Variants in PLAGL1 observed in about 807,000 individuals in gnomAD.
PLAGL1 encodes the protein PLAG1 like zinc finger 1.
PLAGL1 carries 1 observed loss-of-function variant against 4.6 expected under a neutral mutation model. The ratio of observed to expected loss-of-function variants is 0.22; its 90% CI spans 0.08 to 1.03. The LOEUF (loss-of-function observed/expected upper bound fraction) is 1.03. Ranked by LOEUF, PLAGL1 falls within the 50% of genes least tolerant of loss-of-function variation. The pLI, the probability that PLAGL1 is intolerant of heterozygous loss-of-function variation, is 0.58. For synonymous variants in PLAGL1, 240 were observed against 237.8 expected (o/e 1.01, Z -0.08); for missense variants, 464 against 570.4 (o/e 0.81, Z 1.90).
chr6:144,051,819 A>G (rs1415372895), intron 1 of PLAGL1, among the ~76,000 whole-genome samples: 1 of 152,180 alleles, frequency 6.6e-6, no homozygotes, highest in African/African-American at 2.4e-5. Flanking sequence ...CTCATTCACT[A>G]TCATGAGAAT....
intron 7 of PLAGL1, among the ~76,000 whole-genome samples, chr6:143,946,115 C>T (rs1779723029): frequency 6.6e-6 from 1 of 152,208 alleles, no homozygotes; most frequent in Non-Finnish European, 1.5e-5. Flanking sequence ...ACCCTGTGGA[C>T]CACATGTGTA....
chr6:144,026,204 A>G (rs1294761623), intron 1 of PLAGL1, among the ~76,000 whole-genome samples: 5 of 152,348 alleles, frequency 3.3e-5, no homozygotes, highest in Middle Eastern at 6.8e-3. Context: ...ATTATGATAT[A>G]AAATGCAATT....
Position 143,994,698 on chromosome 6 carries a change from A to G in PLAGL1, c.-583-9524T>C, listed in dbSNP as rs929843042. On this transcript the variant is annotated intron_variant, in intron 1 of 7. Coordinates refer to ENST00000674357, the MANE Select transcript of PLAGL1 (RefSeq NM_001317162.2). This position sits in a 1 kb window ranked among gnomAD's most constrained non-coding sequence, Gnocchi z 4.3. ...GCGTTTCTGGAAAATCCACTGTTAC[A>G]GATTCAAATGTGTCCTCAAAATTCA... is the stretch of plus-strand genomic sequence containing the variant. Among the ~76,000 whole-genome samples the G allele has an allele frequency of 2.0e-5, 3 of 152,240 alleles. No homozygotes were observed. The highest frequency in any genetic ancestry group is 2.4e-5 in the African/African-American group (1 of 41,468).
rs1796079985 is a variant in PLAGL1, at chr6:144,022,997, C to T, written c.-151+41471G>A. ...AACTGGGAGCAACCACAATGTCCCT[C>T]AATAGATGAATGGACAAACTATGAT... On this transcript the variant is annotated intron_variant, in intron 1 of 3. Coordinates refer to the PLAGL1 transcript ENST00000437412. The surrounding 1 kb of genome is among the most constrained non-coding windows in gnomAD (Gnocchi z 4.2). Among the ~76,000 whole-genome samples the T allele has an allele frequency of 6.6e-6, 1 of 152,144 alleles. No individual in the cohort carries two copies. The highest frequency in any genetic ancestry group is 1.5e-5 in the Non-Finnish European group (1 of 68,028).
chr6:143,985,750 A>G lies in PLAGL1; in HGVS notation c.-583-576T>C, dbSNP rs901413339. Among the ~76,000 whole-genome samples, 1 of 151,810 alleles carries G rather than the reference A, an allele frequency of 6.6e-6. No homozygotes were observed. Among genetic ancestry groups the G allele is most frequent in the African/African-American group, 2.4e-5 (1 of 41,326 alleles). ...AAGTTTTTCTCATTGTTAGCATGGC[A>G]TAGATCACTCATTTCAAAAATCAAA... On this transcript the variant is annotated intron_variant, in intron 1 of 7. Coordinates refer to ENST00000674357, the MANE Select transcript of PLAGL1 (RefSeq NM_001317162.2). This position sits in a 1 kb window ranked among gnomAD's most constrained non-coding sequence, Gnocchi z 4.4.
At chr6:144,033,890 C>T (rs1362525181) in intron 1 of PLAGL1, among the ~76,000 whole-genome samples, 2 of 152,176 alleles carry the variant, frequency 1.3e-5, no homozygotes, top group African/African-American at 4.8e-5. Flanking sequence ...ATGGTCTTTT[C>T]TAAGTCTGAG....
intron 7 of PLAGL1, among the ~76,000 whole-genome samples, chr6:143,943,083 C>T (rs1199796649): frequency 7.0e-6 from 1 of 142,700 alleles, no homozygotes; most frequent in Non-Finnish European, 1.5e-5. Flanking sequence ...ACGCTGGTCT[C>T]AAACTCCTGG....
intron 7 of PLAGL1, among the ~76,000 whole-genome samples, chr6:143,943,824 A>C (rs937661464): frequency 3.9e-5 from 6 of 152,234 alleles, no homozygotes; most frequent in African/African-American, 1.4e-4. Flanking sequence ...GTGAAGCAGA[A>C]ATTAGTTATG....
chr6:143,979,516 TAG>T lies in PLAGL1; in HGVS notation c.-544+5617_-544+5618del, dbSNP rs1787431600. ...TGTTTTGATATCTTCGTGGTTGCTG[TAG>T]AGTTTATAGTTATATCTTTAACTTA... On this transcript the variant is annotated intron_variant, in intron 2 of 7. Coordinates refer to ENST00000674357, the MANE Select transcript of PLAGL1 (RefSeq NM_001317162.2). The surrounding 1 kb of genome is among the most constrained non-coding windows in gnomAD (Gnocchi z 4.6). Among the ~76,000 whole-genome samples, 1 of 152,130 alleles carries T rather than the reference TAG, an allele frequency of 6.6e-6. No individual in the cohort carries two copies. The highest frequency in any genetic ancestry group is 1.5e-5 in the Non-Finnish European group (1 of 67,964).
At position 143,997,557 on chromosome 6, in the gene PLAGL1, G is replaced by C. The variant is rs886729283; in HGVS notation, c.-584+10533C>G. Among the ~76,000 whole-genome samples the C allele has an allele frequency of 6.6e-6, 1 of 152,172 alleles. No individual in the cohort carries two copies. The highest frequency in any genetic ancestry group is 1.5e-5 in the Non-Finnish European group (1 of 68,028). On this transcript the variant is annotated intron_variant, in intron 1 of 7. Transcript: ENST00000674357. The surrounding 1 kb of genome is among the most constrained non-coding windows in gnomAD (Gnocchi z 4.6). The stretch of plus-strand genomic sequence containing the variant: ...CTGTTTGGTTATACTTAAAATTCAA[G>C]AATAGACAAAACAGGGAGGCTCAGG...
intron 1 of PLAGL1, among the ~76,000 whole-genome samples, chr6:144,030,800 G>C (rs112682099): frequency 0.046 from 6,956 of 152,278 alleles, 225 homozygotes; most frequent in Non-Finnish European, 0.069. Context: ...CTATAAACAT[G>C]AGTGTGCAAG....
Position 143,968,979 on chromosome 6 carries a change from C to G in PLAGL1, c.-543-1G>C, listed in dbSNP as rs1784920908. 1 of 150,600 alleles carries G rather than the reference C, an allele frequency of 6.6e-6. No individual in the cohort carries two copies. Among genetic ancestry groups the G allele is most frequent in the Non-Finnish European group, 1.5e-5 (1 of 67,804 alleles). 9.3% of individuals were successfully genotyped at this position (150,600 alleles called of 1,614,324 possible). A position where few individuals can be genotyped will look rare whatever the true frequency, so the allele number is the denominator to read the frequency against. Reference sequence around the variant, plus strand: ...AGCCACATTAGACGTGACAGCAATCCTAAAGGAAAAACAATATCAAAAGTT... The same window carrying G: ...AGCCACATTAGACGTGACAGCAATCGTAAAGGAAAAACAATATCAAAAGTT... On this transcript the variant is annotated splice_acceptor_variant, in intron 2 of 7. Transcript: ENST00000674357. LOFTEE classifies it low-confidence loss of function (5UTR_SPLICE). The surrounding 1 kb of genome is among the most constrained non-coding windows in gnomAD (Gnocchi z 6.3).
At chr6:144,029,274 G>A (rs1255904425) in intron 1 of PLAGL1, among the ~76,000 whole-genome samples, 1 of 152,020 alleles carries the variant, frequency 6.6e-6, no homozygotes, top group Non-Finnish European at 1.5e-5. Flanking sequence ...AACCCCAACA[G>A]CCACAAAAAA....
chr6:143,991,127 T>A (rs568038456), intron 1 of PLAGL1, among the ~76,000 whole-genome samples: 1 of 152,260 alleles, frequency 6.6e-6, no homozygotes, highest in South Asian at 2.1e-4. Flanking sequence ...TGTCCCATTA[T>A]GTCCACAAGG....
upstream of PLAGL1, among the ~76,000 whole-genome samples, chr6:144,009,166 G>A (rs941401799): frequency 6.6e-6 from 1 of 152,144 alleles, no homozygotes; most frequent in African/African-American, 2.4e-5. Context: ...CTACCTTTAG[G>A]GGGTAACCCT....
In PLAGL1 at chr6:143,958,973, C is replaced by T. The variant is rs897900279; in HGVS notation, c.-325+1496G>A. Among the ~76,000 whole-genome samples, 1 of 152,230 alleles carries T rather than the reference C, an allele frequency of 6.6e-6. No individual in the cohort carries two copies. The highest frequency in any genetic ancestry group is 6.5e-5 in the Admixed American group (1 of 15,286). On this transcript the variant is annotated intron_variant, in intron 6 of 7. Coordinates refer to ENST00000674357, the MANE Select transcript of PLAGL1 (RefSeq NM_001317162.2). This position sits in a 1 kb window ranked among gnomAD's most constrained non-coding sequence, Gnocchi z 5.1. ...TGTTTGTTTAACAAACCATTACAAT[C>T]ATACCCAGTTCAATGGGGGAGGAAT...
In PLAGL1 at chr6:144,029,812, A is replaced by G. The variant is rs544257710; in HGVS notation, c.-151+34656T>C. On this transcript the variant is annotated intron_variant, in intron 1 of 3. Coordinates refer to the PLAGL1 transcript ENST00000437412. ...TACAACCTTATGGAAGGTAAAATCT[A>G]TAAAAAGTATAAACACGTGCACTGT... Among the ~76,000 whole-genome samples, 2 of 152,364 alleles carry G rather than the reference A, an allele frequency of 1.3e-5. 1 individual carries two copies. Among genetic ancestry groups the G allele is most frequent in the South Asian group, 4.1e-4 (2 of 4,830 alleles).
At chr6:143,977,188 G>C (rs773440593) in intron 2 of PLAGL1, among the ~76,000 whole-genome samples, 1 of 148,590 alleles carries the variant, frequency 6.7e-6, no homozygotes, top group Non-Finnish European at 1.5e-5. Flanking sequence ...TTATCACCCA[G>C]AATCCATGGT....
At chr6:144,043,887 CTT>C (rs1464882416) in intron 1 of PLAGL1, among the ~76,000 whole-genome samples, 1 of 152,180 alleles carries the variant, frequency 6.6e-6, no homozygotes, top group Non-Finnish European at 1.5e-5. Flanking sequence ...GATTCAACTT[CTT>C]CCTGGTTTAG....
Sources: allele counts gnomAD v4.1 joint callset (sites outside exome capture counted in the v4.1 genomes callset), GRCh38; gene constraint gnomAD v4.1.1; non-coding constraint Gnocchi (gnomAD v3.1); transcripts MANE v1.5; gene names NCBI Gene and HGNC (gene_info 2026-07-23, HGNC 2026-07-21).